SHOX: variants seen among roughly 807,000 people sequenced by gnomAD.
SHOX encodes the protein short stature homeobox protein.
In SHOX, 12 loss-of-function variants were observed where a neutral mutation model predicts 29.6. The observed-to-expected ratio is 0.41, with a 90% CI of 0.26 to 0.66. SHOX has a LOEUF of 0.66. Ranked by LOEUF, SHOX falls within the 30% of genes least tolerant of loss-of-function variation. The pLI is 0.35. For missense variants in SHOX, 499 were observed against 437.7 expected (o/e 1.14, Z -1.25); for synonymous variants, 214 against 200.6 (o/e 1.07, Z -0.57).
intron 1 of SHOX, 56 bp from the exon 2 acceptor site, chrX:634,562 C>T (rs2052707219): frequency 3.1e-6 from 5 of 1,590,456 alleles, no homozygotes; most frequent in African/African-American, 1.3e-5. Flanking sequence ...AAGGGGTTCG[C>T]CACGTTGCGC....
At chrX:635,576 C>A (rs986417617) in intron 2 of SHOX, among the ~76,000 whole-genome samples, 1 of 152,204 alleles carries the variant, frequency 6.6e-6, no homozygotes, top group Non-Finnish European at 1.5e-5. Flanking sequence ...AGACTATTAG[C>A]GGGGCACGGG....
upstream of SHOX, among the ~76,000 whole-genome samples, chrX:626,617 T>G (rs2052541814): frequency 6.8e-6 from 1 of 146,002 alleles, no homozygotes; most frequent in African/African-American, 2.7e-5. Flanking sequence ...CTCCTCTCTC[T>G]GTATCTCTGT....
intron 1 of SHOX, among the ~76,000 whole-genome samples, chrX:625,005 CCTCCTTCCTTCCTTCT>C (rs1187405928): frequency 1.4e-5 from 2 of 146,454 alleles, no homozygotes; most frequent in South Asian, 2.2e-4. Context: ...TCCTTCCTTC[CCTCCTTCCTTCCTTCT>C]CTCCCTCCCT....
rs1289433557 is a variant in SHOX at position 648,352 on chromosome X, G to A, written c.*3716G>A. On this transcript the variant is annotated 3_prime_UTR_variant, in exon 5 of 5. Transcript: ENST00000686671. ...TAGAGACAGGGTTTCAGCCTCCCGA[G>A]TAGCTGGGATTACAGGCACCTGCCA... Among the ~76,000 whole-genome samples the A allele has an allele frequency of 6.6e-6, 1 of 152,056 alleles. No homozygotes were observed. The highest frequency in any genetic ancestry group is 2.4e-5 in the African/African-American group (1 of 41,386).
chrX:635,678 G>A (rs2052733197), intron 2 of SHOX, among the ~76,000 whole-genome samples: 1 of 152,234 alleles, frequency 6.6e-6, no homozygotes, highest in Admixed American at 6.5e-5. Context: ...GGGACGGGCG[G>A]GCAGAGCCTT....
At chrX:632,490 C>G (rs2052668273) in intron 1 of SHOX, among the ~76,000 whole-genome samples, 2 of 152,282 alleles carry the variant, frequency 1.3e-5, no homozygotes, top group African/African-American at 4.8e-5. Context: ...TTTGCTGATT[C>G]GCAGAGTTGA....
At chrX:655,608 CTCTCTCTATATATATATATA>C (rs1439152704), downstream of SHOX, among the ~76,000 whole-genome samples, 1,301 of 23,942 alleles carry the variant, frequency 0.054, 5 homozygotes, top group Non-Finnish European at 0.064. Flanking sequence ...CTCTCTCTCT[CTCTCTCTATATATATATATA>C]TATATATATA....
At chrX:624,913 T>TCTTTCTTTCTTTCTTC (rs2052486799) in intron 1 of SHOX, among the ~76,000 whole-genome samples, 3 of 83,366 alleles carry the variant, frequency 3.6e-5, no homozygotes, top group African/African-American at 9.7e-5. Context: ...TCTCTTCCTT[T>TCTTTCTTTCTTTCTTC]CTTTCTTTCT....
At chrX:652,461 A>G (rs775310325), downstream of SHOX, among the ~76,000 whole-genome samples, 1 of 150,330 alleles carries the variant, frequency 6.7e-6, no homozygotes, top group Non-Finnish European at 1.5e-5. Flanking sequence ...CTGGGAGGGA[A>G]GTGGGGGAGG....
Position 645,964 on chromosome X carries a change from T to A in SHOX, c.*1328T>A, listed in dbSNP as rs775178404. 1 of 152,314 alleles carries A rather than the reference T, an allele frequency of 6.6e-6. No homozygotes were observed. The highest frequency in any genetic ancestry group is 2.4e-5 in the African/African-American group (1 of 41,572). 9.4% of individuals were successfully genotyped at this position (152,314 alleles called of 1,614,324 possible). ...CAGGCTGGAGTGCAGTGGCGCAATG[T>A]CAGCTCACTGCCACCTCCGCCTCCC... On this transcript the variant is annotated 3_prime_UTR_variant, in exon 5 of 5. Transcript: ENST00000686671.
In SHOX at chrX:647,281, C is replaced by T. The variant is rs1239391882; in HGVS notation, c.*2645C>T. ...TTTAGTAGAGACAGGGTTTCAGCCTCCCGAGTAGCTGGGATTACAGGCACC... is the reference window on the plus strand; with the variant it reads ...TTTAGTAGAGACAGGGTTTCAGCCTTCCGAGTAGCTGGGATTACAGGCACC... On this transcript the variant is annotated 3_prime_UTR_variant, in exon 5 of 5. Coordinates refer to ENST00000686671, the MANE Select transcript of SHOX (RefSeq NM_000451.4). Among the ~76,000 whole-genome samples the T allele has an allele frequency of 5.9e-5, 5 of 84,678 alleles. No individual in the cohort carries two copies. The highest frequency in any genetic ancestry group is 1.2e-4 in the Non-Finnish European group (5 of 42,918). 55.6% of individuals were successfully genotyped at this position (84,678 alleles called of 152,430 possible).
At position 631,032 on chromosome X, in the gene SHOX, C is replaced by T. The variant is rs754642340; in HGVS notation, c.135C>T (p.Arg45=). The change falls in exon 1 of 5, where the codon CGC becomes CGT. Residue 45 remains arginine (R), a synonymous_variant. Transcript: ENST00000686671. ...AAGTTTTGGAGAGCGGACTGGCGCGCTCCCGGGAGCTGGGGACGTCGGATT... is the reference window on the plus strand; with the variant it reads ...AAGTTTTGGAGAGCGGACTGGCGCGTTCCCGGGAGCTGGGGACGTCGGATT... The part of the protein sequence containing the change: ...YREVLESGLA[R]SRELGTSDSS... The T allele has an allele frequency of 6.2e-7, 1 of 1,613,828 alleles. No individual in the cohort carries two copies. Among genetic ancestry groups the T allele is most frequent in the Non-Finnish European group, 8.5e-7 (1 of 1,179,864 alleles).
At chrX:641,931 C>T (rs1264764384) in intron 4 of SHOX, among the ~76,000 whole-genome samples, 1 of 152,012 alleles carries the variant, frequency 6.6e-6, no homozygotes, top group Non-Finnish European at 1.5e-5. Flanking sequence ...GGGGCGTCTG[C>T]CTGGCCCCTG....
upstream of SHOX, among the ~76,000 whole-genome samples, chrX:629,714 C>T (rs1479381732): frequency 6.6e-6 from 1 of 152,118 alleles, no homozygotes; most frequent in African/African-American, 2.4e-5. Context: ...GGAAGATGCG[C>T]CGTGGGGTTA....
At chrX:640,939 C>G in intron 3 of SHOX, 60 bp from the exon 4 acceptor site, 1 of 1,612,992 alleles carries the variant, frequency 6.2e-7, no homozygotes, top group Non-Finnish European at 8.5e-7. Flanking sequence ...GGGATGGGGT[C>G]GACGAGGTGC....
Position 630,825 on chromosome X carries a change from C to A in SHOX, c.-73C>A, listed in dbSNP as rs1253157735. ...AGCGCTGGTGATCCACCCGCGCGCA[C>A]GGGCCGTCCTCTCCGCGCGGGGAGA... On this transcript the variant is annotated 5_prime_UTR_variant, in exon 1 of 5. Transcript: ENST00000686671. 3 of 1,579,206 alleles carry A rather than the reference C, an allele frequency of 1.9e-6. No individual in the cohort carries two copies. Among genetic ancestry groups the A allele is most frequent in the Non-Finnish European group, 1.7e-6 (2 of 1,152,736 alleles).
At chrX:642,915 G>A (rs2052882509) in intron 4 of SHOX, among the ~76,000 whole-genome samples, 1 of 151,010 alleles carries the variant, frequency 6.6e-6, no homozygotes, top group Admixed American at 6.6e-5. Flanking sequence ...CCCTGGAGAG[G>A]CTTGGGGACC....
At chrX:634,007 A>G (rs1408719433) in intron 1 of SHOX, among the ~76,000 whole-genome samples, 2 of 152,212 alleles carry the variant, frequency 1.3e-5, no homozygotes, top group African/African-American at 4.8e-5. Context: ...CGCGTGTGAA[A>G]AAGTGGGAAG....
At chrX:653,920 T>C (rs1392945748), downstream of SHOX, among the ~76,000 whole-genome samples, 1 of 148,386 alleles carries the variant, frequency 6.7e-6, no homozygotes, top group Admixed American at 6.8e-5. Flanking sequence ...GAGTTGTCGT[T>C]AAAAAAAAAA....
Sources: allele counts gnomAD v4.1 joint callset (sites outside exome capture counted in the v4.1 genomes callset), GRCh38; gene constraint gnomAD v4.1.1; transcripts MANE v1.5; gene names NCBI Gene and HGNC (gene_info 2026-07-23, HGNC 2026-07-21).